The following ABTB3 variants were observed in gnomAD, a reference collection of about 807,000 sequenced individuals.
The protein encoded by ABTB3 is ankyrin repeat and BTB domain containing 3, also known as ankyrin repeat- and BTB/POZ domain-containing protein 3.
the ABTB3 span, among the ~76,000 whole-genome samples, chr12:107,377,165 C>A: frequency 2.7e-4 from 41 of 152,120 alleles, no homozygotes; most frequent in Non-Finnish European, 4.4e-4. Context: ...TCACCCCTCT[C>A]CCTAGGCAGC....
chr12:107,394,225 A>G, the ABTB3 span, among the ~76,000 whole-genome samples: 3 of 139,632 alleles, frequency 2.1e-5, no homozygotes, highest in African/African-American at 7.6e-5. Context: ...GGCCCATTTG[A>G]CAGAGGGGAA....
chr12:107,540,637 G>T, the ABTB3 span, among the ~76,000 whole-genome samples: 3 of 152,070 alleles, frequency 2.0e-5, no homozygotes, highest in East Asian at 5.8e-4. Flanking sequence ...CGAAGCCTTA[G>T]GACTTAGATA....
the ABTB3 span, among the ~76,000 whole-genome samples, chr12:107,615,878 A>T: frequency 5.3e-5 from 8 of 152,146 alleles, no homozygotes; most frequent in Admixed American, 5.2e-4. Context: ...TCATGACTGC[A>T]CCTGGTCCTG....
the ABTB3 span, among the ~76,000 whole-genome samples, chr12:107,619,032 G>A: frequency 6.6e-6 from 1 of 152,188 alleles, no homozygotes; most frequent in African/African-American, 2.4e-5. Context: ...CTTTCGCTCT[G>A]CCATGGAAGT....
the ABTB3 span, chr12:107,617,015 C>A: frequency 6.9e-7 from 1 of 1,459,770 alleles, no homozygotes; most frequent in Non-Finnish European, 9.6e-7. Context: ...TCTCACCCAT[C>A]CCAGCAGTCT....
chr12:107,505,778 A>G, the ABTB3 span, among the ~76,000 whole-genome samples: 4 of 152,144 alleles, frequency 2.6e-5, no homozygotes, highest in Non-Finnish European at 5.9e-5. Flanking sequence ...AAAGTGAGAA[A>G]ATGCAGCATT....
the ABTB3 span, among the ~76,000 whole-genome samples, chr12:107,406,316 G>C: frequency 6.6e-6 from 1 of 152,204 alleles, no homozygotes; most frequent in African/African-American, 2.4e-5. Context: ...TGTAGTCCCA[G>C]CTATTTGGGA....
the ABTB3 span, among the ~76,000 whole-genome samples, chr12:107,633,025 C>T: frequency 6.6e-6 from 1 of 152,192 alleles, no homozygotes; most frequent in Non-Finnish European, 1.5e-5. Flanking sequence ...CTTTTAAGGG[C>T]TCATGTGATT....
chr12:107,561,677 G>A, the ABTB3 span, among the ~76,000 whole-genome samples: 1 of 152,174 alleles, frequency 6.6e-6, no homozygotes, highest in East Asian at 1.9e-4. Flanking sequence ...CTCCAAGGAG[G>A]GAGTTAATAA....
chr12:107,360,846 C>A, the ABTB3 span, among the ~76,000 whole-genome samples: 4 of 151,914 alleles, frequency 2.6e-5, no homozygotes, highest in Non-Finnish European at 4.4e-5. Context: ...TTCCACCTCC[C>A]AGGTTCAAGC....
chr12:107,559,386 C>T, the ABTB3 span, among the ~76,000 whole-genome samples: 1 of 152,208 alleles, frequency 6.6e-6, no homozygotes, highest in South Asian at 2.1e-4. Context: ...GGGGAAAAAA[C>T]AACATTAGCG....
chr12:107,532,439 A>G, the ABTB3 span, among the ~76,000 whole-genome samples: 1 of 152,218 alleles, frequency 6.6e-6, no homozygotes, highest in African/African-American at 2.4e-5. Context: ...CATTGACTAC[A>G]GTGGAAGAAA....
the ABTB3 span, among the ~76,000 whole-genome samples, chr12:107,386,910 T>TGTGTGTGTGTGTGTATGTGTGCGC: frequency 1.3e-5 from 2 of 151,404 alleles, no homozygotes; most frequent in Admixed American, 6.6e-5. Flanking sequence ...TGTGTGTGTG[T>TGTGTGTGTGTGTGTATGTGTGCGC]GTGTGTGTGT....
chr12:107,426,569 C>G, the ABTB3 span, among the ~76,000 whole-genome samples: 1 of 152,210 alleles, frequency 6.6e-6, no homozygotes, highest in Non-Finnish European at 1.5e-5. Flanking sequence ...TCTGCAGCGC[C>G]CCACCTGGGT....
At chr12:107,453,178 G>T in the ABTB3 span, among the ~76,000 whole-genome samples, 11 of 152,292 alleles carry the variant, frequency 7.2e-5, no homozygotes, top group East Asian at 2.1e-3. Context: ...AGGAGTTGGG[G>T]GAGAGCAGCA....
the ABTB3 span, among the ~76,000 whole-genome samples, chr12:107,508,727 C>A: frequency 1.3e-5 from 2 of 152,034 alleles, no homozygotes; most frequent in Admixed American, 6.5e-5. Context: ...GGATTACAGG[C>A]GTGAGCCACC....
At chr12:107,424,262 C>T in the ABTB3 span, among the ~76,000 whole-genome samples, 1 of 152,202 alleles carries the variant, frequency 6.6e-6, no homozygotes, top group Admixed American at 6.5e-5. Flanking sequence ...CAGCGCTTCT[C>T]CAGTGCATCC....
chr12:107,372,100 T>G, the ABTB3 span, among the ~76,000 whole-genome samples: 1 of 152,236 alleles, frequency 6.6e-6, no homozygotes. Context: ...ATATTTTCTG[T>G]AAGTTGCTTG....
At chr12:107,523,170 G>C in the ABTB3 span, among the ~76,000 whole-genome samples, 1 of 152,160 alleles carries the variant, frequency 6.6e-6, no homozygotes. Flanking sequence ...GGAGTTCCCT[G>C]TACACCCAGA....
Sources: gnomAD v4.1 joint callset for allele counts (sites outside exome capture counted in the v4.1 genomes callset) on GRCh38, gnomAD v4.1.1 for gene constraint, MANE v1.5 for transcripts, NCBI Gene and HGNC (gene_info 2026-07-23, HGNC 2026-07-21) for gene names.